The following CDK5RAP3 variants were observed in gnomAD, a reference collection of about 807,000 sequenced individuals.
CDK5RAP3 encodes CDK5 regulatory subunit associated protein 3.
A neutral mutation model predicts 73.3 loss-of-function variants in CDK5RAP3; 58 were observed. That is an observed-to-expected ratio of 0.79 (90% CI 0.64 to 0.98). The LOEUF (loss-of-function observed/expected upper bound fraction) is 0.98, where lower values mean the gene tolerates loss of function less well. Among genes scored for constraint, CDK5RAP3 ranks in the 50% least tolerant of loss-of-function variants. The probability of loss-of-function intolerance (pLI) is 0.00; values close to 1 mark genes in which losing one functional copy is unlikely to be tolerated. For missense variants in CDK5RAP3, 525 were observed against 615.8 expected, an observed-to-expected ratio of 0.85 and a Z score of 1.56; for synonymous variants, 224 against 247.5, an observed-to-expected ratio of 0.91 and a Z score of 0.89.
chr17:47,974,525 G>T, intron 5 of CDK5RAP3, 77 bp downstream of exon 5: 1 of 1,611,362 alleles, frequency 6.2e-7, no homozygotes, highest in Non-Finnish European at 8.5e-7. Context: ...CAGGCTTATA[G>T]GAGGCACAGT....
Position 47,975,767 on chromosome 17 carries a change from A to C in CDK5RAP3, c.654-102A>C, listed in dbSNP as rs2036393719. 13 of 1,588,942 alleles carry C rather than the reference A, an allele frequency of 8.2e-6. 1 individual carries two copies. The highest frequency in any genetic ancestry group is 1.0e-5 in the Non-Finnish European group (12 of 1,165,416). ...ACATTTGAACTCTTTACACACCTGA[A>C]CCTGTGGGGGCCTTGCCCATTTGAC... On this transcript the variant is annotated intron_variant, in intron 7 of 13. Coordinates refer to ENST00000338399, the MANE Select transcript of CDK5RAP3 (RefSeq NM_176096.3).
chr17:47,969,825 C>T (rs546834640), upstream of CDK5RAP3, among the ~76,000 whole-genome samples: 15 of 152,288 alleles, frequency 9.8e-5, no homozygotes, highest in East Asian at 2.7e-3. Context: ...GGTCTCCCAG[C>T]ATTGCCAGAC....
intron 11 of CDK5RAP3, chr17:47,979,861 G>A (rs1406364857): frequency 6.6e-6 from 1 of 152,252 alleles, no homozygotes; most frequent in Admixed American, 6.5e-5. Flanking sequence ...AAAGATATCT[G>A]TGAAGTTTTA....
In CDK5RAP3 at chr17:47,973,513, A is replaced by G; in HGVS notation, c.53-6A>G. ...GAATGCTCTAATTTGGGTGCTTCTC[A>G]TGTAGATTGGCTGGTGGACAGAAGG... On this transcript the variant is annotated splice_polypyrimidine_tract_variant and splice_region_variant and intron_variant, in intron 2 of 13. Coordinates refer to ENST00000338399, the MANE Select transcript of CDK5RAP3 (RefSeq NM_176096.3). 2 of 1,613,502 alleles carry G rather than the reference A, an allele frequency of 1.2e-6. No homozygotes were observed. Among genetic ancestry groups the G allele is most frequent in the Non-Finnish European group, 1.7e-6 (2 of 1,179,554 alleles).
rs376067802 is a variant in CDK5RAP3, at chr17:47,974,388, G to A, written c.286-12G>A. ...TTTTCTGGCTTAACATTGTTTTTCT[G>A]TTCTTACTCAGGATTGGCAGGAGAT... On this transcript the variant is annotated splice_polypyrimidine_tract_variant and intron_variant, in intron 4 of 13. Transcript: ENST00000338399. 1 of 1,611,620 alleles carries A rather than the reference G, an allele frequency of 6.2e-7. No individual in the cohort carries two copies. The highest frequency in any genetic ancestry group is 1.3e-5 in the African/African-American group (1 of 74,984).
chr17:47,970,868 C>T, upstream of CDK5RAP3: 1 of 1,418,598 alleles, frequency 7.0e-7, no homozygotes, highest in Non-Finnish European at 9.4e-7. Flanking sequence ...ACGGCCGCTG[C>T]AGCGCACCCC....
rs1428939978 is a variant in CDK5RAP3, at chr17:47,975,918, A to T, written c.703A>T (p.Asn235Tyr). Residue 235 changes from asparagine (N) to tyrosine (Y), a missense_variant, in exon 8 of 14, where the codon AAC (asparagine) becomes TAC (tyrosine). This residue lies in a region of CDK5RAP3 where 409 missense variants were observed against 429.8 expected (regional missense o/e 0.95). Coordinates refer to ENST00000338399, the MANE Select transcript of CDK5RAP3 (RefSeq NM_176096.3). ...GCTGCGGTTCGTGCAGAAGCGGGGA[A>T]ACTCAACGGTGTACGAGTGGAGGAC... ...PMLRFVQKRGNSTVYEWRTGT... is the reference protein window; with the variant it reads ...PMLRFVQKRGYSTVYEWRTGT... 1 of 1,614,210 alleles carries T rather than the reference A, an allele frequency of 6.2e-7. No homozygotes were observed.
intron 10 of CDK5RAP3, 142 bp downstream of exon 10, chr17:47,978,052 G>A: frequency 1.9e-6 from 1 of 539,228 alleles, no homozygotes; most frequent in Admixed American, 3.8e-5. Flanking sequence ...GATGTGAGCT[G>A]AGGGGGACCA....
chr17:47,972,199 C>T (rs867888483), intron 2 of CDK5RAP3, among the ~76,000 whole-genome samples: 2 of 152,088 alleles, frequency 1.3e-5, no homozygotes, highest in African/African-American at 2.4e-5. Context: ...AGTGTCCAGG[C>T]CATCTCCAGG....
In CDK5RAP3 at chr17:47,976,699, T is replaced by C. The variant is rs752715450; in HGVS notation, c.799-13T>C. On this transcript the variant is annotated splice_polypyrimidine_tract_variant and intron_variant, in intron 8 of 13. Transcript: ENST00000338399. ...CCATCTTCCATGAGCTAACACTCTC[T>C]TTCCCTTTCCAGATTGACTGGGGCG... 4.4e-6 allele frequency: 7 copies of C among 1,577,076 alleles called. No individual in the cohort carries two copies. The highest frequency in any genetic ancestry group is 1.7e-5 in the Admixed American group (1 of 59,832).
chr17:47,971,049 C>G (rs1329545115), upstream of CDK5RAP3: 5 of 1,545,908 alleles, frequency 3.2e-6, no homozygotes, highest in African/African-American at 6.9e-5. Context: ...GAAGGATGCC[C>G]GTTTGTGTCT....
rs2036343600 is a variant in CDK5RAP3, at chr17:47,974,395, C to T, written c.286-5C>T. ...GCTTAACATTGTTTTTCTGTTCTTA[C>T]TCAGGATTGGCAGGAGATTATAGCT... On this transcript the variant is annotated splice_polypyrimidine_tract_variant and splice_region_variant and intron_variant, in intron 4 of 13. Coordinates refer to ENST00000338399, the MANE Select transcript of CDK5RAP3 (RefSeq NM_176096.3). 11 of 1,612,970 alleles carry T rather than the reference C, an allele frequency of 6.8e-6. No homozygotes were observed. Among genetic ancestry groups the T allele is most frequent in the Non-Finnish European group, 9.3e-6 (11 of 1,179,042 alleles).
At chr17:47,972,067 T>C (rs2036283829) in intron 2 of CDK5RAP3, among the ~76,000 whole-genome samples, 1 of 150,020 alleles carries the variant, frequency 6.7e-6, no homozygotes, top group Non-Finnish European at 1.5e-5. Flanking sequence ...TCTGACCCAC[T>C]GTCCATGCCT....
upstream of CDK5RAP3, chr17:47,970,441 T>G: frequency 1.8e-6 from 1 of 540,840 alleles, no homozygotes; most frequent in Non-Finnish European, 3.3e-6. Context: ...CTCTTGCAGT[T>G]TGTGGCCACC....
At position 47,978,848 on chromosome 17, in the gene CDK5RAP3, G is replaced by T; in HGVS notation, c.1008G>T (p.Arg336Ser). Residue 336 changes from arginine to serine, a missense_variant, in exon 11 of 14, where the codon AGG (arginine) becomes AGT (serine). Arg to Ser is a moderately radical substitution (Grantham distance 110). Transcript: ENST00000338399. ...AGTQAPEGVA[R>S]GPDALTLLEY... ...TGGCAGCTCCAGAAGGTGTTGCCAG[G>T]GGCCCAGATGCCCTGACACTGCTTG... 6.2e-7 allele frequency: 1 copy of T among 1,613,902 alleles called. No homozygotes were observed. Among genetic ancestry groups the T allele is most frequent in the South Asian group, 1.1e-5 (1 of 91,064 alleles).
At chr17:47,980,557 A>G (rs765561926) in intron 11 of CDK5RAP3, 36 bp from the exon 12 acceptor site, 12 of 1,596,992 alleles carry the variant, frequency 7.5e-6, no homozygotes, top group Non-Finnish European at 7.7e-6. Context: ...GTGAGCCATC[A>G]TGTACAGCCT....
At chr17:47,970,585 C>G, upstream of CDK5RAP3, 1 of 1,327,708 alleles carries the variant, frequency 7.5e-7, no homozygotes, top group Non-Finnish European at 1.0e-6. Flanking sequence ...CTTCCCCTTC[C>G]CTGCCCTAAT....
In CDK5RAP3 at chr17:47,977,571, G is replaced by A. The variant is rs1039800285; in HGVS notation, c.910-261G>A. On this transcript the variant is annotated intron_variant, in intron 9 of 13. Coordinates refer to ENST00000338399, the MANE Select transcript of CDK5RAP3 (RefSeq NM_176096.3). ...TGGGATTACAAGCGTGAGCCACTGC[G>A]CCCAGCCCATGTGAGAGTTAAATTT... Among the ~76,000 whole-genome samples, 5 of 152,158 alleles carry A rather than the reference G, an allele frequency of 3.3e-5. No individual in the cohort carries two copies. The South Asian group carries it at 6.2e-4, about 19-fold the overall frequency.
Position 47,971,401 on chromosome 17 carries a change from C to T in CDK5RAP3, c.46C>T (p.Leu16=), listed in dbSNP as rs754671305. Residue 16 remains leucine (L), a synonymous_variant, in exon 2 of 14, where the codon CTG becomes TTG. Coordinates refer to ENST00000338399, the MANE Select transcript of CDK5RAP3 (RefSeq NM_176096.3). Reference sequence around the variant, plus strand: ...GCCCATCGACATCCAGACCAGCAAGCTGCTCGGTAGGAGGGGGCGCCACCG... The same window carrying T: ...GCCCATCGACATCCAGACCAGCAAGTTGCTCGGTAGGAGGGGGCGCCACCG... The part of the protein sequence containing the change: ...HVPIDIQTSK[L]LDWLVDRRHC... The T allele has an allele frequency of 4.4e-6, 7 of 1,606,918 alleles. No homozygotes were observed. The highest frequency in any genetic ancestry group is 5.9e-6 in the Non-Finnish European group (7 of 1,176,796).
Sources: allele counts gnomAD v4.1 joint callset (sites outside exome capture counted in the v4.1 genomes callset), GRCh38; gene constraint gnomAD v4.1.1; regional missense constraint gnomAD v4.1.1; transcripts MANE v1.5; gene names NCBI Gene and HGNC (gene_info 2026-07-23, HGNC 2026-07-21).